The following GIPC2 variants were observed in gnomAD, a reference collection of about 807,000 sequenced individuals.
The protein encoded by GIPC2 is GIPC PDZ domain containing family member 2, also known as PDZ domain-containing protein GIPC2.
A neutral mutation model predicts 30.6 loss-of-function variants in GIPC2; 30 were observed. The observed-to-expected ratio is 0.98, with a 90% confidence interval of 0.73 to 1.33. The LOEUF is 1.33. Among genes scored for constraint, GIPC2 ranks in the 40% most tolerant of loss-of-function variants. The pLI is 0.00. For missense variants in GIPC2, 414 were observed against 390.3 expected, an observed-to-expected ratio of 1.06 and a Z score of -0.51; for synonymous variants, 167 against 150.0, an observed-to-expected ratio of 1.11 and a Z score of -0.83.
chr1:78,092,142 A>G (rs17101250), intron 2 of GIPC2: 12,124 of 814,162 alleles, frequency 0.015, 368 homozygotes, highest in African/African-American at 0.11. Flanking sequence ...GATGGGAGAC[A>G]CACAAGATGT....
rs139133370 is a variant in GIPC2, at chr1:78,079,091, A to G, written c.241-1584A>G. Among the ~76,000 whole-genome samples, 139 of 152,306 alleles carry G rather than the reference A, an allele frequency of 9.1e-4. 1 individual carries two copies. The highest frequency in any genetic ancestry group is 3.2e-3 in the African/African-American group (135 of 41,566). ...GAGAACAATATCATTTTTACACTAG[A>G]GAATATGTGCAAAAACTTATTATCT... is the stretch of plus-strand genomic sequence containing the variant. On this transcript the variant is annotated intron_variant, in intron 1 of 5. Coordinates refer to ENST00000370759, the MANE Select transcript of GIPC2 (RefSeq NM_017655.6).
At chr1:78,073,691 C>T (rs1472190085) in intron 1 of GIPC2, among the ~76,000 whole-genome samples, 2 of 152,144 alleles carry the variant, frequency 1.3e-5, no homozygotes, top group African/African-American at 4.8e-5. Flanking sequence ...AGTGGACTTC[C>T]TGGCGTTTTA....
Position 78,046,326 on chromosome 1 carries a change from C to T in GIPC2, c.232C>T (p.Pro78Ser), listed in dbSNP as rs1661082541. 2 of 1,610,330 alleles carry T rather than the reference C, an allele frequency of 1.2e-6. No homozygotes were observed. Among genetic ancestry groups the T allele is most frequent in the Non-Finnish European group, 1.7e-6 (2 of 1,179,038 alleles). ...GATCGCGGGCGCGTTTGAAATCTCGCCGTCGGAGGTAAGGCGCCAGGTGCT... is the reference window on the plus strand; with the variant it reads ...GATCGCGGGCGCGTTTGAAATCTCGTCGTCGGAGGTAAGGCGCCAGGTGCT... ...AQIAGAFEIS[P>S]SEILYCTLNT... The change falls in exon 1 of 6, where the codon CCG (proline) becomes TCG (serine). Residue 78 changes from proline to serine, a missense_variant. By Grantham distance (74) the Pro-to-Ser change is moderately conservative. Coordinates refer to ENST00000370759, the MANE Select transcript of GIPC2 (RefSeq NM_017655.6).
chr1:78,129,182 A>G (rs1039929423), intron 5 of GIPC2, among the ~76,000 whole-genome samples: 1 of 152,250 alleles, frequency 6.6e-6, no homozygotes, highest in African/African-American at 2.4e-5. Flanking sequence ...AAAAGCCATT[A>G]TCATTACACA....
intron 3 of GIPC2, among the ~76,000 whole-genome samples, chr1:78,116,393 A>T (rs1043760970): frequency 6.6e-6 from 1 of 152,132 alleles, no homozygotes; most frequent in African/African-American, 2.4e-5. Flanking sequence ...TCTAGGGTAC[A>T]TGTGAACAAC....
chr1:78,118,337 CAAAAAAAAAAAAAA>C (rs55905283), intron 3 of GIPC2, among the ~76,000 whole-genome samples: 1 of 12,178 alleles, frequency 8.2e-5, no homozygotes, highest in African/African-American at 3.4e-4. Flanking sequence ...TGGGGCCTAC[CAAAAAAAAAAAAAA>C]AAAAAAAAAA....
At chr1:78,071,915 G>C (rs1277297664) in intron 1 of GIPC2, among the ~76,000 whole-genome samples, 5 of 152,110 alleles carry the variant, frequency 3.3e-5, no homozygotes, top group Non-Finnish European at 7.4e-5. Context: ...TTCAAGACCT[G>C]ACTCACAAGG....
intron 5 of GIPC2, among the ~76,000 whole-genome samples, chr1:78,128,207 A>G (rs1039237853): frequency 6.6e-6 from 1 of 151,806 alleles, no homozygotes; most frequent in Non-Finnish European, 1.5e-5. Flanking sequence ...TTTAATTTTA[A>G]TTTTTGTAGA....
chr1:78,076,027 G>A (rs998836397), intron 1 of GIPC2, among the ~76,000 whole-genome samples: 1 of 152,218 alleles, frequency 6.6e-6, no homozygotes, highest in African/African-American at 2.4e-5. Context: ...TAATTTAGAA[G>A]AAGTGAGGGA....
Position 78,094,997 on chromosome 1 carries a change from G to A in GIPC2, c.472G>A (p.Val158Ile). The change falls in exon 3 of 6, where the codon GTT (valine) becomes ATT (isoleucine). Residue 158 changes from valine (V) to isoleucine (I), a missense_variant. By Grantham distance (29) the Val-to-Ile change is conservative. Transcript: ENST00000370759. Reference protein sequence around the residue: ...GVIDSVKTICVGDHIESINGE... With the variant: ...GVIDSVKTICIGDHIESINGE... ...TATTGACTCAGTTAAAACAATCTGT[G>A]TTGGGGATCATATTGAATCCATAAA... is the stretch of plus-strand genomic sequence containing the variant. The A allele has an allele frequency of 1.2e-6, 2 of 1,605,958 alleles. No individual in the cohort carries two copies. The highest frequency in any genetic ancestry group is 1.7e-6 in the Non-Finnish European group (2 of 1,172,624).
At chr1:78,057,573 G>C (rs1469616423) in intron 1 of GIPC2, among the ~76,000 whole-genome samples, 1 of 152,140 alleles carries the variant, frequency 6.6e-6, no homozygotes, top group African/African-American at 2.4e-5. Flanking sequence ...ATACAGGGAA[G>C]AAAGAACTAA....
chr1:78,055,949 A>G (rs1471663675), intron 1 of GIPC2, among the ~76,000 whole-genome samples: 1 of 152,032 alleles, frequency 6.6e-6, no homozygotes, highest in Non-Finnish European at 1.5e-5. Flanking sequence ...ACCTTTATGC[A>G]TTGTTCTCTT....
intron 1 of GIPC2, among the ~76,000 whole-genome samples, chr1:78,066,552 A>G (rs374230168): frequency 6.6e-6 from 1 of 152,228 alleles, no homozygotes; most frequent in South Asian, 2.1e-4. Context: ...CCAAAGGAAT[A>G]TAGATCATTT....
At chr1:78,061,404 T>C (rs761944540) in intron 1 of GIPC2, among the ~76,000 whole-genome samples, 2 of 152,150 alleles carry the variant, frequency 1.3e-5, no homozygotes, top group Non-Finnish European at 2.9e-5. Flanking sequence ...TTGGGGTGTG[T>C]GGAGTATTCT....
chr1:78,065,254 T>C (rs1274844150), intron 1 of GIPC2, among the ~76,000 whole-genome samples: 1 of 152,054 alleles, frequency 6.6e-6, no homozygotes, highest in Non-Finnish European at 1.5e-5. Flanking sequence ...GTGATATTCT[T>C]CCTATGCACT....
At chr1:78,081,657 A>G (rs113017575) in intron 2 of GIPC2, among the ~76,000 whole-genome samples, 1 of 152,312 alleles carries the variant, frequency 6.6e-6, no homozygotes, top group African/African-American at 2.4e-5. Flanking sequence ...AAGGCAAGAT[A>G]AAAGTTTGAA....
At chr1:78,068,763 C>T (rs1458868314) in intron 1 of GIPC2, among the ~76,000 whole-genome samples, 1 of 152,066 alleles carries the variant, frequency 6.6e-6, no homozygotes, top group Admixed American at 6.6e-5. Context: ...GAAGGTTTTG[C>T]ATTATAGGCA....
At chr1:78,098,126 A>G (rs1314726496) in intron 3 of GIPC2, among the ~76,000 whole-genome samples, 1 of 152,184 alleles carries the variant, frequency 6.6e-6, no homozygotes, top group Non-Finnish European at 1.5e-5. Context: ...CATGTATGAT[A>G]TCTGTCAGTC....
Position 78,080,918 on chromosome 1 carries a change from C to G in GIPC2, c.426+58C>G, listed in dbSNP as rs1661815559. 4.0e-6 allele frequency: 4 copies of G among 1,007,694 alleles called. No homozygotes were observed. In the African/African-American group the frequency reaches 6.6e-5, roughly 17 times the overall value. 62.4% of individuals were successfully genotyped at this position (1,007,694 alleles called of 1,614,324 possible). On this transcript the variant is annotated intron_variant, in intron 2 of 5. Transcript: ENST00000370759. ...TGAGGATAACATTTAAGAAAATCTA[C>G]CAGGCCAAAGAAAGTTAGAAATGAT...
Sources: allele counts gnomAD v4.1 joint callset (sites outside exome capture counted in the v4.1 genomes callset), GRCh38; gene constraint gnomAD v4.1.1; transcripts MANE v1.5; gene names NCBI Gene and HGNC (gene_info 2026-07-23, HGNC 2026-07-21).